The following PLEKHA6 variants were observed in gnomAD, a reference collection of about 807,000 sequenced individuals.
The protein encoded by PLEKHA6 is pleckstrin homology domain-containing family A member 6.
A neutral mutation model predicts 116.7 loss-of-function variants in PLEKHA6; 60 were observed. The observed-to-expected ratio is 0.51, with a 90% confidence interval of 0.42 to 0.64. The LOEUF is 0.64. PLEKHA6 is among the 30% of genes least tolerant of loss of function. The probability of loss-of-function intolerance (pLI) is 0.00; values close to 1 mark genes in which losing one functional copy is unlikely to be tolerated. For synonymous variants in PLEKHA6, 489 were observed against 556.1 expected (o/e 0.88, Z 1.70); for missense variants, 1,338 against 1,422.7 (o/e 0.94, Z 0.96).
Position 204,248,834 on chromosome 1 carries a change from G to C in PLEKHA6, c.1811C>G (p.Ser604Cys), listed in dbSNP as rs1257982968. The change falls in exon 12 of 23, where the codon TCT (serine) becomes TGT (cysteine). Residue 604 changes from serine (S) to cysteine (C), a missense_variant. Physicochemically the swap from Ser to Cys is moderately radical, Grantham distance 112. Coordinates refer to ENST00000272203, the MANE Select transcript of PLEKHA6 (RefSeq NM_014935.5). ...TCCCTGGGTTACCGTGGTCGCCTGA[G>C]ACAGCTCCACGCGGATGTTGATGAG... Reference protein sequence around the residue: ...NQLINIRVELSQATTALTNST... With the variant: ...NQLINIRVELCQATTALTNST... 6.2e-7 allele frequency: 1 copy of C among 1,613,944 alleles called. No homozygotes were observed. The highest frequency in any genetic ancestry group is 1.3e-5 in the African/African-American group (1 of 75,066).
rs775770952 is a variant in PLEKHA6 at position 204,308,687 on chromosome 1, C to CTTTCTTTTTTTTTTT, written c.-94-33879_-94-33878insAAAAAAAAAAAGAAA. On this transcript the variant is annotated intron_variant, in intron 1 of 22. Coordinates refer to ENST00000272203, the MANE Select transcript of PLEKHA6 (RefSeq NM_014935.5). ...CAAGAAGGTAATTCTTTTTCTTTTT[C>CTTTCTTTTTTTTTTT]TTTTTTTTTTTTTTTTTTTTTGAGA... is the stretch of plus-strand genomic sequence containing the variant. Among the ~76,000 whole-genome samples, 3 of 81,404 alleles carry CTTTCTTTTTTTTTTT rather than the reference C, an allele frequency of 3.7e-5. 1 individual carries two copies. Among genetic ancestry groups the CTTTCTTTTTTTTTTT allele is most frequent in the African/African-American group, 1.6e-4 (3 of 18,612 alleles). 53.4% of individuals were successfully genotyped at this position (81,404 alleles called of 152,430 possible).
Position 204,228,689 on chromosome 1 carries a change from G to A in PLEKHA6, c.2885+39C>T, listed in dbSNP as rs761653895. 5.6e-6 allele frequency: 9 copies of A among 1,607,000 alleles called. No individual in the cohort carries two copies. The African/African-American group carries it at 1.1e-4, about 19-fold the overall frequency. ...GTGGCCCAGGTGTCCTAGGTGCCAG[G>A]GTGAGCAGAGGAAGTAGAGGCTCAC... On this transcript the variant is annotated intron_variant, in intron 20 of 22. Coordinates refer to ENST00000272203, the MANE Select transcript of PLEKHA6 (RefSeq NM_014935.5). The surrounding 1 kb of genome is among the most constrained non-coding windows in gnomAD (Gnocchi z 4.0).
rs770400848 is a variant in PLEKHA6, at chr1:204,265,007, G to C, written c.316C>G (p.Leu106Val). Reference protein sequence around the residue: ...KEESILGSIPLLSFRVAAVQP... With the variant: ...KEESILGSIPVLSFRVAAVQP... ...ACTGCGGCTACCCGGAAGCTCAGGA[G>C]GGGGATGCTGCCCAGGATACTCTCT... Residue 106 changes from leucine to valine, a missense_variant, in exon 6 of 23, where the codon CTC becomes GTC. Leu to Val is a conservative substitution (Grantham distance 32). Coordinates refer to ENST00000272203, the MANE Select transcript of PLEKHA6 (RefSeq NM_014935.5). 2 of 1,613,980 alleles carry C rather than the reference G, an allele frequency of 1.2e-6. No homozygotes were observed. Among genetic ancestry groups the C allele is most frequent in the South Asian group, 1.1e-5 (1 of 91,080 alleles).
chr1:204,363,562 G>A (rs1673598855), upstream of PLEKHA6, among the ~76,000 whole-genome samples: 1 of 152,196 alleles, frequency 6.6e-6, no homozygotes, highest in Non-Finnish European at 1.5e-5. Context: ...AGGCACCCTT[G>A]GGGACAGAAC....
At chr1:204,241,532 G>T in intron 16 of PLEKHA6, 51 bp from the exon 17 acceptor site, 2 of 1,420,708 alleles carry the variant, frequency 1.4e-6, no homozygotes. Flanking sequence ...AGGAAGGCAG[G>T]AAGCCTCCTT....
At chr1:204,237,934 C>T (rs189773051) in intron 17 of PLEKHA6, among the ~76,000 whole-genome samples, 60 of 152,274 alleles carry the variant, frequency 3.9e-4, no homozygotes, top group Middle Eastern at 3.4e-3. Flanking sequence ...GAAATAAATC[C>T]GACTAAAATT....
At chr1:204,273,416 C>A (rs1374102210) in intron 3 of PLEKHA6, among the ~76,000 whole-genome samples, 1 of 152,144 alleles carries the variant, frequency 6.6e-6, no homozygotes, top group African/African-American at 2.4e-5. Context: ...GGTTGAGAAC[C>A]CCTGGTCTAG....
chr1:204,321,646 C>T (rs1672066773), intron 1 of PLEKHA6, among the ~76,000 whole-genome samples: 1 of 152,146 alleles, frequency 6.6e-6, no homozygotes, highest in Non-Finnish European at 1.5e-5. Context: ...GGCAGTCTTC[C>T]TCCCTCTGTG....
At position 204,267,398 on chromosome 1, in the gene PLEKHA6, C is replaced by T. The variant is rs974338771; in HGVS notation, c.280+77G>A. ...GCTGGTGCCCATCCAAAGCCAAGCT[C>T]GGGGATATGGCAGAATGAGAAAGAG... is the stretch of plus-strand genomic sequence containing the variant. On this transcript the variant is annotated intron_variant, in intron 5 of 22. Transcript: ENST00000272203. 1.4e-5 allele frequency: 19 copies of T among 1,315,122 alleles called. 1 individual carries two copies. Among genetic ancestry groups the T allele is most frequent in the South Asian group, 1.4e-4 (12 of 83,678 alleles). 81.5% of individuals were successfully genotyped at this position (1,315,122 alleles called of 1,614,324 possible).
intron 1 of PLEKHA6, among the ~76,000 whole-genome samples, chr1:204,278,200 C>T (rs746939037): frequency 3.3e-5 from 5 of 152,210 alleles, no homozygotes; most frequent in Admixed American, 3.3e-4. Flanking sequence ...CGAAGGTCAT[C>T]GCTGCCATCC....
intron 1 of PLEKHA6, chr1:204,297,251 T>C (rs966798659): frequency 1.1e-6 from 1 of 950,686 alleles, no homozygotes; most frequent in Admixed American, 6.2e-5. Flanking sequence ...GGAAAATACA[T>C]GGATACATGG....
At chr1:204,297,784 C>T (rs1278602899) in intron 1 of PLEKHA6, 1 of 558,536 alleles carries the variant, frequency 1.8e-6, no homozygotes, top group Non-Finnish European at 2.3e-6. Context: ...TCAGTCCCCT[C>T]TACATTGCTA....
At chr1:204,272,969 C>A (rs1344804143) in intron 3 of PLEKHA6, among the ~76,000 whole-genome samples, 3 of 152,182 alleles carry the variant, frequency 2.0e-5, no homozygotes, top group African/African-American at 7.2e-5. Flanking sequence ...TCTCCCATCC[C>A]CCCTTTTACC....
intron 1 of PLEKHA6, among the ~76,000 whole-genome samples, chr1:204,351,043 C>T (rs536813842): frequency 6.6e-6 from 1 of 152,176 alleles, no homozygotes; most frequent in Middle Eastern, 3.2e-3. Flanking sequence ...GCCAGCTAAC[C>T]GGTTACCCGG....
chr1:204,267,870 C>G (rs1667007019), intron 4 of PLEKHA6, among the ~76,000 whole-genome samples: 1 of 152,156 alleles, frequency 6.6e-6, no homozygotes, highest in Non-Finnish European at 1.5e-5. Flanking sequence ...GGACCCTAGA[C>G]TAGCAGGAGA....
At chr1:204,248,700 G>A (rs767853684) in intron 12 of PLEKHA6, 121 bp downstream of exon 12, 15 of 808,100 alleles carry the variant, frequency 1.9e-5, no homozygotes, top group Admixed American at 7.2e-5. Context: ...CCCTCTGCAC[G>A]GGAGTACTCA....
intron 1 of PLEKHA6, among the ~76,000 whole-genome samples, chr1:204,338,941 G>C (rs2103305282): frequency 6.6e-6 from 1 of 152,330 alleles, no homozygotes; most frequent in East Asian, 1.9e-4. Flanking sequence ...ATTGGGAAGT[G>C]GAGTCAATTC....
chr1:204,299,957 C>T (rs1287134735), intron 1 of PLEKHA6, among the ~76,000 whole-genome samples: 1 of 152,150 alleles, frequency 6.6e-6, no homozygotes, highest in African/African-American at 2.4e-5. Flanking sequence ...CACAGAGGAA[C>T]ACCATGGACA....
intron 3 of PLEKHA6, among the ~76,000 whole-genome samples, chr1:204,270,606 A>G (rs972171428): frequency 2.0e-5 from 3 of 152,176 alleles, no homozygotes; most frequent in Admixed American, 1.3e-4. Flanking sequence ...TGTCTTCTTA[A>G]TAGTTCTCAA....
Sources: gnomAD v4.1 joint callset for allele counts (sites outside exome capture counted in the v4.1 genomes callset) on GRCh38, gnomAD v4.1.1 for gene constraint, Gnocchi (gnomAD v3.1) non-coding constraint, MANE v1.5 for transcripts, NCBI Gene and HGNC (gene_info 2026-07-23, HGNC 2026-07-21) for gene names.